The following DNAH6 variants were observed in gnomAD, a reference collection of about 807,000 sequenced individuals.
DNAH6 encodes the protein axonemal beta dynein heavy chain 6.
A neutral mutation model predicts 491.4 loss-of-function variants in DNAH6; 340 were observed. The ratio of observed to expected loss-of-function variants is 0.69; its 90% CI spans 0.63 to 0.76. The LOEUF is 0.76. Among genes scored for constraint, DNAH6 ranks in the 30% least tolerant of loss-of-function variants. The probability of loss-of-function intolerance (pLI) is 0.00; values close to 1 mark genes in which losing one functional copy is unlikely to be tolerated. For synonymous variants in DNAH6, 1,603 were observed against 1,686.1 expected, an observed-to-expected ratio of 0.95 and a Z score of 1.21; for missense variants, 4,443 against 4,972.2, an observed-to-expected ratio of 0.89 and a Z score of 3.20.
intron 4 of DNAH6, among the ~76,000 whole-genome samples, chr2:84,535,234 T>C (rs569017425): frequency 6.6e-6 from 1 of 151,986 alleles, no homozygotes; most frequent in Non-Finnish European, 1.5e-5. Flanking sequence ...ATCTTTTTGC[T>C]CATTTATAAG....
intron 60 of DNAH6, among the ~76,000 whole-genome samples, chr2:84,724,569 A>T (rs933426771): frequency 5.3e-5 from 8 of 152,284 alleles, no homozygotes; most frequent in African/African-American, 1.9e-4. Flanking sequence ...CCTTCCTCCC[A>T]ACCTAAATGC....
At chr2:84,713,580 T>C (rs986346129) in intron 57 of DNAH6, among the ~76,000 whole-genome samples, 2 of 152,230 alleles carry the variant, frequency 1.3e-5, no homozygotes, top group African/African-American at 4.8e-5. Flanking sequence ...CCACTCCTCC[T>C]AAACATAGGG....
At chr2:84,530,956 C>T (rs1238219301) in intron 4 of DNAH6, among the ~76,000 whole-genome samples, 5 of 152,118 alleles carry the variant, frequency 3.3e-5, no homozygotes, top group African/African-American at 1.2e-4. Context: ...CATGACACAG[C>T]CTCAGGAGGT....
the DNAH6 span, among the ~76,000 whole-genome samples, chr2:84,465,292 G>A: frequency 7.9e-5 from 12 of 152,118 alleles, no homozygotes; most frequent in East Asian, 1.9e-4. Context: ...TCAGGAGATC[G>A]AGACCATCCT....
rs563527813 is a variant in DNAH6, at chr2:84,547,488, C to G, written c.1066-4C>G. The G allele has an allele frequency of 5.2e-6, 8 of 1,551,580 alleles. No homozygotes were observed. In the African/African-American group the frequency reaches 9.6e-5, roughly 19 times the overall value. ...ACTAACTGTACATATTCAACAATAT[C>G]TAGGTGACAGAACGCCTAGGAGAAT... On this transcript the variant is annotated splice_polypyrimidine_tract_variant and splice_region_variant and intron_variant, in intron 6 of 76. Coordinates refer to ENST00000389394, the MANE Select transcript of DNAH6 (RefSeq NM_001370.2).
intron 63 of DNAH6, among the ~76,000 whole-genome samples, chr2:84,754,949 T>C (rs1454645339): frequency 2.6e-5 from 4 of 152,248 alleles, no homozygotes; most frequent in African/African-American, 9.6e-5. Flanking sequence ...TGGATCTTCT[T>C]TAACTTTATC....
intron 61 of DNAH6, among the ~76,000 whole-genome samples, chr2:84,729,850 G>GT (rs1698979464): frequency 6.6e-6 from 1 of 151,942 alleles, no homozygotes; most frequent in East Asian, 1.9e-4. Context: ...TATTTTTATC[G>GT]TAAGTACTAC....
chr2:84,804,988 T>G (rs1215262555), intron 70 of DNAH6, among the ~76,000 whole-genome samples: 1 of 152,046 alleles, frequency 6.6e-6, no homozygotes, highest in Non-Finnish European at 1.5e-5. Flanking sequence ...TAATTTTTTT[T>G]TTTTTATAGG....
At chr2:84,583,642 T>TG (rs1683259584) in intron 14 of DNAH6, among the ~76,000 whole-genome samples, 1 of 152,222 alleles carries the variant, frequency 6.6e-6, no homozygotes, top group Non-Finnish European at 1.5e-5. Flanking sequence ...AATTGAATCA[T>TG]GGGGGTGGTT....
chr2:84,710,795 T>A (rs1340462377), intron 56 of DNAH6, among the ~76,000 whole-genome samples: 2 of 152,154 alleles, frequency 1.3e-5, no homozygotes, highest in Admixed American at 6.6e-5. Context: ...CATTATTTTT[T>A]ACTTGGGCAT....
intron 14 of DNAH6, among the ~76,000 whole-genome samples, chr2:84,581,216 C>T (rs999052919): frequency 6.6e-6 from 1 of 152,192 alleles, no homozygotes; most frequent in Non-Finnish European, 1.5e-5. Context: ...CTTGTGGTTC[C>T]AGAACAGCTA....
the DNAH6 span, among the ~76,000 whole-genome samples, chr2:84,461,416 CT>C: frequency 6.6e-6 from 1 of 152,182 alleles, no homozygotes; most frequent in Non-Finnish European, 1.5e-5. Flanking sequence ...GGGAACACCC[CT>C]ACCTCAATTC....
At chr2:84,677,921 G>T (rs1693409688) in intron 41 of DNAH6, among the ~76,000 whole-genome samples, 1 of 152,138 alleles carries the variant, frequency 6.6e-6, no homozygotes, top group Admixed American at 6.5e-5. Flanking sequence ...TGGGCACAAA[G>T]GTAGAATAAG....
the DNAH6 span, among the ~76,000 whole-genome samples, chr2:84,485,786 A>G: frequency 6.6e-6 from 1 of 151,732 alleles, no homozygotes; most frequent in Non-Finnish European, 1.5e-5. Context: ...ATCTGAATTG[A>G]TATTTCTTTG....
intron 29 of DNAH6, among the ~76,000 whole-genome samples, chr2:84,625,639 A>C (rs1687789998): frequency 6.6e-6 from 1 of 152,346 alleles, no homozygotes; most frequent in Non-Finnish European, 1.5e-5. Flanking sequence ...AAAAAATAAC[A>C]GTAAGCCCAT....
In DNAH6 at chr2:84,703,485, C is replaced by T. The variant is rs950376944; in HGVS notation, c.8152C>T (p.Pro2718Ser). The change falls in exon 50 of 77, where the codon CCT becomes TCT. Residue 2718 changes from proline (P) to serine (S), a missense_variant. Coordinates refer to ENST00000389394, the MANE Select transcript of DNAH6 (RefSeq NM_001370.2). ...GAAACTAGATCTTTCAGCTTTAGAG[C>T]CTGTACTTTTAGCAAAATCAGAAGA... ...KMKLDLSALE[P>S]VLLAKSEDVE... The T allele has an allele frequency of 6.4e-6, 10 of 1,551,186 alleles. No individual in the cohort carries two copies. Among genetic ancestry groups the T allele is most frequent in the Non-Finnish European group, 8.7e-6 (10 of 1,146,706 alleles).
the DNAH6 span, among the ~76,000 whole-genome samples, chr2:84,474,597 A>G: frequency 2.6e-5 from 4 of 152,334 alleles, 1 homozygote; most frequent in South Asian, 8.3e-4. Flanking sequence ...CCATAGGAAT[A>G]GATATTTCAG....
chr2:84,814,419 G>T (rs113410949), intron 75 of DNAH6, among the ~76,000 whole-genome samples: 3 of 152,262 alleles, frequency 2.0e-5, no homozygotes, highest in African/African-American at 7.2e-5. Flanking sequence ...AAAAGCAAGG[G>T]TTTAAAAACG....
rs553388081 is a variant in DNAH6, at chr2:84,701,961, A to G, written c.8061+622A>G. Among the ~76,000 whole-genome samples the G allele has an allele frequency of 6.2e-4, 95 of 152,164 alleles. 1 individual carries two copies. Among genetic ancestry groups the G allele is most frequent in the African/African-American group, 2.2e-3 (90 of 41,508 alleles). ...CTTCTCCTTTTCAATAATTATATATATTTTCCTTCTGCCATTTATGCAAGT... is the reference window on the plus strand; with the variant it reads ...CTTCTCCTTTTCAATAATTATATATGTTTTCCTTCTGCCATTTATGCAAGT... On this transcript the variant is annotated intron_variant, in intron 49 of 76. Transcript: ENST00000389394.
Sources: gnomAD v4.1 joint callset for allele counts (sites outside exome capture counted in the v4.1 genomes callset) on GRCh38, gnomAD v4.1.1 for gene constraint, MANE v1.5 for transcripts, NCBI Gene and HGNC (gene_info 2026-07-23, HGNC 2026-07-21) for gene names.